The following NLRP9 variants were observed in gnomAD, a reference collection of about 807,000 sequenced individuals.
The protein encoded by NLRP9 is NLR family pyrin domain containing 9.
NLRP9 carries 88 observed loss-of-function variants against 83.1 expected under a neutral mutation model. That is an observed-to-expected ratio of 1.06 (90% CI 0.89 to 1.26). The LOEUF (loss-of-function observed/expected upper bound fraction) is 1.26. Ranked by LOEUF, NLRP9 falls within the 50% of genes most tolerant of loss-of-function variation. The pLI, the probability that NLRP9 is intolerant of heterozygous loss-of-function variation, is 0.00. For missense variants in NLRP9, 1,308 were observed against 1,179.3 expected (o/e 1.11, Z -1.60); for synonymous variants, 521 against 447.6 (o/e 1.16, Z -2.07).
In NLRP9 at chr19:55,715,078, T is replaced by C. The variant is rs1182919280; in HGVS notation, c.2478A>G (p.Pro826=). The change falls in exon 6 of 9, where the codon CCA becomes CCG. Residue 826 remains proline, a synonymous_variant. Coordinates refer to ENST00000332836, the MANE Select transcript of NLRP9 (RefSeq NM_176820.4). Reference sequence around the variant, plus strand: ...ACCACAGCTCCCGTATGCTGCAGCCTGGGTGCTTCAGCGCTGCACACAGAG... The same window carrying C: ...ACCACAGCTCCCGTATGCTGCAGCCCGGGTGCTTCAGCGCTGCACACAGAG... ...VASLCAALKH[P]GCSIRELWLM... is the part of the protein sequence containing the mutation. The C allele has an allele frequency of 4.3e-6, 7 of 1,612,260 alleles. No individual in the cohort carries two copies. In the Admixed American group the frequency reaches 1.0e-4, roughly 23 times the overall value.
intron 4 of NLRP9, among the ~76,000 whole-genome samples, chr19:55,720,254 T>TTG (rs1267019589): frequency 6.6e-6 from 1 of 152,212 alleles, no homozygotes; most frequent in Non-Finnish European, 1.5e-5. Context: ...ATAGCCCCAC[T>TTG]TGTGCATGGT....
At chr19:55,714,058 G>T (rs1369662801) in intron 6 of NLRP9, among the ~76,000 whole-genome samples, 1 of 150,556 alleles carries the variant, frequency 6.6e-6, no homozygotes, top group Admixed American at 6.7e-5. Context: ...ACATGCATGT[G>T]TGTGTATCTG....
intron 8 of NLRP9, chr19:55,711,415 T>C: frequency 7.7e-7 from 1 of 1,293,566 alleles, no homozygotes; most frequent in Non-Finnish European, 1.0e-6. Context: ...ATCAAGACCT[T>C]AGCCCATTCC....
intron 1 of NLRP9, among the ~76,000 whole-genome samples, chr19:55,736,573 C>G (rs150238843): frequency 8.5e-5 from 13 of 152,166 alleles, no homozygotes; most frequent in African/African-American, 2.7e-4. Flanking sequence ...CTGGCACACA[C>G]CTGTAATCAC....
intron 6 of NLRP9, 84 bp from the exon 7 acceptor site, chr19:55,712,674 G>C: frequency 1.7e-6 from 2 of 1,207,974 alleles, no homozygotes; most frequent in Non-Finnish European, 2.4e-6. Flanking sequence ...TTCATATGAC[G>C]CAAGAAATAC....
intron 4 of NLRP9, among the ~76,000 whole-genome samples, chr19:55,723,311 G>C (rs1358409205): frequency 1.3e-5 from 2 of 152,004 alleles, no homozygotes; most frequent in Non-Finnish European, 2.9e-5. Flanking sequence ...TCACACTTGT[G>C]ATCATTAACA....
In NLRP9 at chr19:55,733,041, T is replaced by C. The variant is rs748793553; in HGVS notation, c.790A>G (p.Lys264Glu). The C allele has an allele frequency of 3.1e-6, 5 of 1,613,580 alleles. No homozygotes were observed. In the South Asian group the frequency reaches 5.5e-5, roughly 18 times the overall value. Reference sequence around the variant, plus strand: ...AGGAGAGAGGATTCTGGAAGCATCTTTTTTTGCAACAAACTGCTCAGGATA... The same window carrying C: ...AGGAGAGAGGATTCTGGAAGCATCTCTTTTTGCAACAAACTGCTCAGGATA... ...PIILSSLLQK[K>E]MLPESSLLIA... The change falls in exon 2 of 9, where the codon AAG becomes GAG. Residue 264 changes from lysine to glutamate, a missense_variant. Physicochemically the swap from Lys to Glu is moderately conservative, Grantham distance 56. Coordinates refer to ENST00000332836, the MANE Select transcript of NLRP9 (RefSeq NM_176820.4).
intron 7 of NLRP9, 84 bp from the exon 8 acceptor site, chr19:55,712,054 C>T (rs1470277039): frequency 7.3e-7 from 1 of 1,364,438 alleles, no homozygotes; most frequent in Non-Finnish European, 1.0e-6. Flanking sequence ...TAATTACACA[C>T]CTCCCGGCAG....
At chr19:55,713,444 G>A (rs144997128) in intron 6 of NLRP9, among the ~76,000 whole-genome samples, 5 of 151,774 alleles carry the variant, frequency 3.3e-5, no homozygotes, top group African/African-American at 1.2e-4. Context: ...ATATATGTAT[G>A]TGTCTGATGT....
rs72078860 is a variant in NLRP9 at position 55,729,233 on chromosome 19, A to AT, written c.1994+597dup. ...TAGATTTCATTTTACATGTCACTAC[A>AT]TTTTTTTTTTTTTTTATTATACTTT... On this transcript the variant is annotated intron_variant, in intron 3 of 8. Coordinates refer to ENST00000332836, the MANE Select transcript of NLRP9 (RefSeq NM_176820.4). Among the ~76,000 whole-genome samples the AT allele has an allele frequency of 4.0e-3, 562 of 138,942 alleles. 4 individuals are homozygous for AT. The highest frequency in any genetic ancestry group is 0.017 in the East Asian group (81 of 4,694). The allele number at this position is 138,942 out of a possible 152,430, so 91.2% of individuals were successfully genotyped here.
intron 3 of NLRP9, among the ~76,000 whole-genome samples, chr19:55,726,086 G>A (rs997055355): frequency 3.3e-5 from 5 of 151,676 alleles, no homozygotes; most frequent in East Asian, 1.9e-4. Context: ...GAGAATAAGC[G>A]GGAGGTGGTG....
At chr19:55,734,480 A>G (rs1988720199) in intron 1 of NLRP9, among the ~76,000 whole-genome samples, 1 of 149,438 alleles carries the variant, frequency 6.7e-6, no homozygotes, top group Admixed American at 6.7e-5. Context: ...TAAACTGATG[A>G]TAGCAGGTCA....
intron 5 of NLRP9, among the ~76,000 whole-genome samples, chr19:55,716,415 C>T (rs531301613): frequency 6.6e-5 from 10 of 152,098 alleles, no homozygotes; most frequent in South Asian, 2.1e-4. Flanking sequence ...TGCGCCACCA[C>T]ACCCAGCTAA....
chr19:55,723,276 T>C (rs924889760), intron 4 of NLRP9, among the ~76,000 whole-genome samples: 2 of 152,200 alleles, frequency 1.3e-5, no homozygotes, highest in African/African-American at 4.8e-5. Flanking sequence ...CTGGCTTTAA[T>C]GCTGTCAACT....
At chr19:55,710,468 A>G (rs1987666181) in intron 8 of NLRP9, among the ~76,000 whole-genome samples, 1 of 152,188 alleles carries the variant, frequency 6.6e-6, no homozygotes, top group East Asian at 1.9e-4. Context: ...CCCAAATCTC[A>G]TATTTAATTG....
chr19:55,733,480 A>C lies in NLRP9; in HGVS notation c.351T>G (p.Leu117=). Residue 117 remains leucine (L), a synonymous_variant, in exon 2 of 9, where the codon CTT becomes CTG. Coordinates refer to ENST00000332836, the MANE Select transcript of NLRP9 (RefSeq NM_176820.4). Reference sequence around the variant, plus strand: ...CTTTGTAGAAATGCTCAGGGACGTGAAGACAGGTTTCCTTCTCCCATATGA... The same window carrying C: ...CTTTGTAGAAATGCTCAGGGACGTGCAGACAGGTTTCCTTCTCCCATATGA... ...FQLIWEKETC[L]HVPEHFYKET... is the part of the protein sequence containing the mutation. 6.2e-7 allele frequency: 1 copy of C among 1,613,412 alleles called. No individual in the cohort carries two copies. Among genetic ancestry groups the C allele is most frequent in the Non-Finnish European group, 8.5e-7 (1 of 1,179,722 alleles).
rs377746961 is a variant in NLRP9 at position 55,715,691 on chromosome 19, A to G, written c.2331-466T>C. ...AAGAGCGAAACTCCGTCTCAAAAAA[A>G]AGAAAAGGGGATTAAAACTTGTAAC... On this transcript the variant is annotated intron_variant, in intron 5 of 8. Transcript: ENST00000332836. Among the ~76,000 whole-genome samples the G allele has an allele frequency of 4.6e-5, 7 of 152,328 alleles. No homozygotes were observed. The South Asian group carries it at 1.5e-3, about 32-fold the overall frequency.
intron 5 of NLRP9, 41 bp from the exon 6 acceptor site, chr19:55,715,266 G>C (rs774981428): frequency 6.4e-7 from 1 of 1,556,198 alleles, no homozygotes; most frequent in East Asian, 2.3e-5. Context: ...CTGAACAGCA[G>C]TACATCATTC....
At chr19:55,711,244 AAAAAATAAAAAAATAACTTTT>A (rs1305897775) in intron 8 of NLRP9, 1 of 471,556 alleles carries the variant, frequency 2.1e-6, no homozygotes, top group African/African-American at 2.1e-5. Context: ...TTTGTTTTTT[AAAAAATAAAAAAATAACTTTT>A]AAAAATTAAA....
Sources: allele counts gnomAD v4.1 joint callset (sites outside exome capture counted in the v4.1 genomes callset), GRCh38; gene constraint gnomAD v4.1.1; transcripts MANE v1.5; gene names NCBI Gene and HGNC (gene_info 2026-07-23, HGNC 2026-07-21).